The following ARHGAP36 variants were observed in gnomAD, a reference collection of about 807,000 sequenced individuals.
The protein encoded by ARHGAP36 is Rho GTPase activating protein 36, also known as rho GTPase-activating protein 36.
ARHGAP36 carries 7 observed loss-of-function variants against 32.9 expected under a neutral mutation model. The ratio of observed to expected loss-of-function variants is 0.21; its 90% confidence interval spans 0.12 to 0.40. The LOEUF is 0.40. Ranked by LOEUF, ARHGAP36 falls within the 10% of genes least tolerant of loss-of-function variation. The pLI is 1.00. For missense variants in ARHGAP36, 383 were observed against 442.2 expected (o/e 0.87, Z 1.20); for synonymous variants, 165 against 168.3 (o/e 0.98, Z 0.15).
rs1451900177 is a variant in ARHGAP36, at chrX:131,089,012, C to T, written c.*227C>T. ...AGCAGAGATGTTTCTGTGTCATGCC[C>T]AAGCTCCCCGGTGCTACCTTGCCTT... is the stretch of plus-strand genomic sequence containing the variant. On this transcript the variant is annotated 3_prime_UTR_variant, in exon 12 of 12. Coordinates refer to ENST00000276211, the MANE Select transcript of ARHGAP36 (RefSeq NM_144967.4). The T allele has an allele frequency of 1.2e-5, 5 of 404,388 alleles. No homozygotes were observed. Among genetic ancestry groups the T allele is most frequent in the Admixed American group, 5.5e-5 (1 of 18,347 alleles). 33.3% of individuals were successfully genotyped at this position (404,388 alleles called of 1,213,427 possible). A position where few individuals can be genotyped will look rare whatever the true frequency, so the allele number is the denominator to read the frequency against.
chrX:131,075,950 T>A (rs1328502633), intron 1 of ARHGAP36, among the ~76,000 whole-genome samples: 1 of 111,721 alleles, frequency 9.0e-6, no homozygotes, highest in Non-Finnish European at 1.9e-5. Context: ...TCTTAGTTTG[T>A]TGCTATTGTA....
At chrX:131,064,983 C>T (rs2079689811) in intron 1 of ARHGAP36, among the ~76,000 whole-genome samples, 1 of 106,641 alleles carries the variant, frequency 9.4e-6, no homozygotes, top group Non-Finnish European at 1.9e-5. Flanking sequence ...TTCTGAACTC[C>T]AAAGAGAGAG....
At chrX:131,068,544 C>A (rs1476430232) in intron 1 of ARHGAP36, among the ~76,000 whole-genome samples, 1 of 111,244 alleles carries the variant, frequency 9.0e-6, no homozygotes, top group Non-Finnish European at 1.9e-5. Context: ...CCTGACTCAG[C>A]GCACTGTCGA....
intron 1 of ARHGAP36, 102 bp from the exon 2 acceptor site, chrX:131,081,422 T>G: frequency 2.0e-4 from 117 of 571,472 alleles, no homozygotes; most frequent in East Asian, 2.6e-4. Flanking sequence ...TTTCTTCTTA[T>G]TTTCTCTCTT....
At chrX:131,059,873 A>G (rs2079659583) in intron 1 of ARHGAP36, among the ~76,000 whole-genome samples, 1 of 111,797 alleles carries the variant, frequency 8.9e-6, no homozygotes, top group African/African-American at 3.3e-5. Flanking sequence ...ATGTGACTCC[A>G]ATGAGATCAA....
chrX:131,071,005 C>G, intron 1 of ARHGAP36, among the ~76,000 whole-genome samples: 1 of 110,546 alleles, frequency 9.0e-6, no homozygotes, highest in African/African-American at 3.3e-5. Flanking sequence ...CATTAAAAAG[C>G]AAGCGTCACC....
intron 1 of ARHGAP36, among the ~76,000 whole-genome samples, chrX:131,061,734 G>T (rs1346654287): frequency 1.8e-5 from 2 of 111,121 alleles, no homozygotes; most frequent in Admixed American, 9.6e-5. Context: ...TTCACCAATG[G>T]CAGGACTTCC....
Position 131,081,688 on chromosome X carries a change from T to C in ARHGAP36, c.23T>C (p.Leu8Pro), listed in dbSNP as rs2079800115. The stretch of plus-strand genomic sequence containing the variant: ...AGAATGGGTGGCTGCATTCCTTTTC[T>C]GAAGGCAGCAAGGGCACTGTGCCCC... MGGCIPF[L>P]KAARALCPRI... is the part of the protein sequence containing the mutation. The change falls in exon 2 of 12, where the codon CTG becomes CCG. Residue 8 changes from leucine (L) to proline (P), a missense_variant. Transcript: ENST00000276211. 1 of 1,210,939 alleles carries C rather than the reference T, an allele frequency of 8.3e-7. No individual in the cohort carries two copies. Among genetic ancestry groups the C allele is most frequent in the East Asian group, 3.0e-5 (1 of 33,784 alleles).
At chrX:131,070,318 G>T (rs188816392) in intron 1 of ARHGAP36, among the ~76,000 whole-genome samples, 1 of 112,158 alleles carries the variant, frequency 8.9e-6, no homozygotes, top group African/African-American at 3.2e-5. Context: ...CAGAGATGGC[G>T]CTAAAGTGGC....
intron 1 of ARHGAP36, among the ~76,000 whole-genome samples, chrX:131,059,428 G>C (rs1018751142): frequency 9.1e-6 from 1 of 110,075 alleles, no homozygotes; most frequent in African/African-American, 3.3e-5. Context: ...TGCGTCATTG[G>C]GCACCAGCCA....
intron 1 of ARHGAP36, among the ~76,000 whole-genome samples, chrX:131,058,667 G>A (rs1229855439): frequency 2.6e-5 from 3 of 113,592 alleles, no homozygotes; most frequent in African/African-American, 9.6e-5. Context: ...ATGGCTCGGC[G>A]GTACGCGGGA....
At chrX:131,067,018 G>A (rs1318812420) in intron 1 of ARHGAP36, among the ~76,000 whole-genome samples, 1 of 112,226 alleles carries the variant, frequency 8.9e-6, no homozygotes, top group Non-Finnish European at 1.9e-5. Context: ...AATGATTGCA[G>A]TTATGTATGA....
intron 1 of ARHGAP36, among the ~76,000 whole-genome samples, chrX:131,068,900 G>C (rs1043941232): frequency 9.0e-6 from 1 of 111,654 alleles, no homozygotes. Flanking sequence ...CCCCGCGCTG[G>C]ACACATAGTA....
intron 1 of ARHGAP36, among the ~76,000 whole-genome samples, chrX:131,059,675 A>G (rs963162832): frequency 2.7e-5 from 3 of 112,425 alleles, no homozygotes; most frequent in Non-Finnish European, 5.6e-5. Context: ...CTGAGAAGGA[A>G]AAAGATCTGC....
intron 1 of ARHGAP36, among the ~76,000 whole-genome samples, chrX:131,070,267 C>T (rs1407438707): frequency 8.9e-6 from 1 of 112,175 alleles, no homozygotes; most frequent in Non-Finnish European, 1.9e-5. Context: ...GGGCAGAGGC[C>T]CTGGCCAGCT....
At position 131,088,944 on chromosome X, in the gene ARHGAP36, C is replaced by A; in HGVS notation, c.*159C>A. ...CAGGATGAGAATTCCAAACACACTG[C>A]CAGCCCCTTCACTGGGGATGCTTGG... On this transcript the variant is annotated 3_prime_UTR_variant, in exon 12 of 12. Coordinates refer to ENST00000276211, the MANE Select transcript of ARHGAP36 (RefSeq NM_144967.4). 1.3e-6 allele frequency: 1 copy of A among 743,952 alleles called. No homozygotes were observed. 61.3% of individuals were successfully genotyped at this position (743,952 alleles called of 1,213,427 possible).
At chrX:131,074,358 TGAGA>T (rs377299553) in intron 1 of ARHGAP36, among the ~76,000 whole-genome samples, 12 of 41,737 alleles carry the variant, frequency 2.9e-4, no homozygotes, top group African/African-American at 5.3e-4. Flanking sequence ...TGTGTGTGTG[TGAGA>T]GAGAGAGAGA....
At chrX:131,062,759 T>C (rs1333936100) in intron 1 of ARHGAP36, among the ~76,000 whole-genome samples, 1 of 112,294 alleles carries the variant, frequency 8.9e-6, no homozygotes, top group Non-Finnish European at 1.9e-5. Context: ...CCAGTCATAC[T>C]ACATAAACTA....
At chrX:131,084,778 G>C in intron 6 of ARHGAP36, 97 bp downstream of exon 6, 1 of 1,164,338 alleles carries the variant, frequency 8.6e-7, no homozygotes, top group South Asian at 1.9e-5. Flanking sequence ...GGGGGGAGGA[G>C]CAGGGTCTTC....
Sources: allele counts gnomAD v4.1 joint callset (sites outside exome capture counted in the v4.1 genomes callset), GRCh38; gene constraint gnomAD v4.1.1; transcripts MANE v1.5; gene names NCBI Gene and HGNC (gene_info 2026-07-23, HGNC 2026-07-21).